USP32: variants seen among roughly 807,000 people sequenced by gnomAD.
USP32 encodes ubiquitin specific peptidase 32.
In USP32, 59 loss-of-function variants were observed where a neutral mutation model predicts 204.8. The observed-to-expected ratio is 0.29, with a 90% CI of 0.23 to 0.36. The LOEUF (loss-of-function observed/expected upper bound fraction) is 0.36. Among genes scored for constraint, USP32 ranks in the 10% least tolerant of loss-of-function variants. USP32 has a pLI of 1.00. For synonymous variants in USP32, 517 were observed against 678.4 expected (o/e 0.76, Z 3.70); for missense variants, 1,160 against 1,946.4 (o/e 0.60, Z 7.60).
chr17:60,363,768 A>G (rs904063635), intron 1 of USP32, among the ~76,000 whole-genome samples: 6 of 151,808 alleles, frequency 4.0e-5, no homozygotes, highest in Non-Finnish European at 8.8e-5. Flanking sequence ...CAAAATGCTG[A>G]GATTATACAC....
chr17:60,375,014 T>C (rs1252062810), intron 1 of USP32, among the ~76,000 whole-genome samples: 1 of 152,236 alleles, frequency 6.6e-6, no homozygotes, highest in Non-Finnish European at 1.5e-5. Context: ...CAGCAAATAA[T>C]TAGCTGTGTT....
chr17:60,358,349 T>C (rs1006021172), intron 1 of USP32, among the ~76,000 whole-genome samples: 1 of 151,860 alleles, frequency 6.6e-6, no homozygotes, highest in Non-Finnish European at 1.5e-5. Flanking sequence ...CTGAGGCAGG[T>C]GGATCACTTG....
At chr17:60,369,658 A>C (rs1309198636) in intron 1 of USP32, among the ~76,000 whole-genome samples, 2 of 152,196 alleles carry the variant, frequency 1.3e-5, no homozygotes, top group Admixed American at 1.3e-4. Flanking sequence ...ATACAAAACA[A>C]ATAGCAATGT....
chr17:60,210,724 G>GT (rs1442980933), intron 21 of USP32, among the ~76,000 whole-genome samples: 1 of 152,238 alleles, frequency 6.6e-6, no homozygotes, highest in Non-Finnish European at 1.5e-5. Context: ...TAATAGTGAA[G>GT]TATTACCAAA....
chr17:60,364,526 G>A (rs1007862771), intron 1 of USP32, among the ~76,000 whole-genome samples: 7 of 152,094 alleles, frequency 4.6e-5, no homozygotes, highest in East Asian at 1.9e-4. Context: ...ATAGGTGCGC[G>A]CCACCATGCC....
At chr17:60,202,895 C>G (rs1013754288) in intron 26 of USP32, among the ~76,000 whole-genome samples, 2 of 145,962 alleles carry the variant, frequency 1.4e-5, no homozygotes, top group African/African-American at 5.6e-5. Context: ...TGGGTGGGCC[C>G]TAAATTCAAT....
At chr17:60,400,599 T>A (rs2089927869) in intron 1 of USP32, among the ~76,000 whole-genome samples, 1 of 152,206 alleles carries the variant, frequency 6.6e-6, no homozygotes, top group Admixed American at 6.5e-5. Context: ...ACATATTACA[T>A]TTGAGATGTC....
intron 11 of USP32, among the ~76,000 whole-genome samples, chr17:60,251,265 G>A (rs2086160974): frequency 6.6e-6 from 1 of 150,682 alleles, no homozygotes; most frequent in African/African-American, 2.4e-5. Context: ...TAATAAACTT[G>A]CCTTCACTTA....
intron 2 of USP32, among the ~76,000 whole-genome samples, chr17:60,320,237 G>A (rs1263500254): frequency 6.6e-6 from 1 of 152,166 alleles, no homozygotes; most frequent in Non-Finnish European, 1.5e-5. Context: ...TCAAGTTCCT[G>A]AGGTATGTTT....
intron 26 of USP32, among the ~76,000 whole-genome samples, chr17:60,201,938 T>G (rs1322118404): frequency 1.3e-5 from 2 of 152,222 alleles, no homozygotes; most frequent in Non-Finnish European, 2.9e-5. Context: ...ATTATAGGCG[T>G]GAGCCACCGC....
intron 1 of USP32, among the ~76,000 whole-genome samples, chr17:60,383,071 C>T (rs2089672438): frequency 6.6e-6 from 1 of 151,888 alleles, no homozygotes. Flanking sequence ...CATGCTGAAA[C>T]CCCGTCTATA....
chr17:60,309,017 G>C (rs1289145317), intron 2 of USP32, among the ~76,000 whole-genome samples: 1 of 152,084 alleles, frequency 6.6e-6, no homozygotes, highest in Non-Finnish European at 1.5e-5. Context: ...TCCAAACCCT[G>C]AAACTATGAA....
At chr17:60,205,864 G>A (rs1042107637) in intron 25 of USP32, among the ~76,000 whole-genome samples, 5 of 152,142 alleles carry the variant, frequency 3.3e-5, no homozygotes, top group Admixed American at 2.6e-4. Context: ...AAATGAAAAG[G>A]AAAGAGTAAC....
chr17:60,277,659 G>C (rs2086870965), intron 5 of USP32, among the ~76,000 whole-genome samples: 1 of 152,150 alleles, frequency 6.6e-6, no homozygotes, highest in Admixed American at 6.6e-5. Flanking sequence ...GCTCTGAAAA[G>C]AGAAACAATC....
chr17:60,370,906 A>T (rs955402951), intron 1 of USP32, among the ~76,000 whole-genome samples: 2 of 151,822 alleles, frequency 1.3e-5, no homozygotes, highest in Non-Finnish European at 2.9e-5. Context: ...GACCAGCCTG[A>T]GCAACATAGC....
chr17:60,368,647 C>A (rs1195461063), intron 1 of USP32, among the ~76,000 whole-genome samples: 1 of 151,960 alleles, frequency 6.6e-6, no homozygotes, highest in Non-Finnish European at 1.5e-5. Flanking sequence ...TAAATCTACC[C>A]ATCAAAAAAT....
intron 1 of USP32, among the ~76,000 whole-genome samples, chr17:60,347,521 T>C (rs1184695468): frequency 2.0e-5 from 3 of 151,424 alleles, no homozygotes; most frequent in African/African-American, 7.3e-5. Context: ...GCCCAGCTAA[T>C]TTTTTGTATT....
intron 1 of USP32, among the ~76,000 whole-genome samples, chr17:60,388,289 T>TACACACACACACACACACAC (rs35068599): frequency 0.017 from 2,371 of 141,918 alleles, 44 homozygotes; most frequent in African/African-American, 0.032. Context: ...AGCCGATTCT[T>TACACACACACACACACACAC]ACACACACAC....
chr17:60,288,909 C>T (rs375395453), intron 4 of USP32, among the ~76,000 whole-genome samples: 3 of 152,318 alleles, frequency 2.0e-5, no homozygotes, highest in African/African-American at 7.2e-5. Context: ...ATGTTAACTA[C>T]AAATTATTTC....
Sources: gnomAD v4.1 joint callset for allele counts (sites outside exome capture counted in the v4.1 genomes callset) on GRCh38, gnomAD v4.1.1 for gene constraint, MANE v1.5 for transcripts, NCBI Gene and HGNC (gene_info 2026-07-23, HGNC 2026-07-21) for gene names.